Variants in PRCP observed in about 807,000 individuals in gnomAD.
PRCP encodes the protein lysosomal Pro-X carboxypeptidase.
A neutral mutation model predicts 54.2 loss-of-function variants in PRCP; 46 were observed. The ratio of observed to expected loss-of-function variants is 0.85; its 90% CI spans 0.67 to 1.09. The LOEUF (loss-of-function observed/expected upper bound fraction) is 1.09, where lower values mean the gene tolerates loss of function less well. Among genes scored for constraint, PRCP ranks in the 50% least tolerant of loss-of-function variants. PRCP has a pLI of 0.00. For missense variants in PRCP, 613 were observed against 596.8 expected (o/e 1.03, Z -0.28); for synonymous variants, 240 against 212.2 (o/e 1.13, Z -1.14).
chr11:82,852,385 A>G (rs1374290098), intron 3 of PRCP, among the ~76,000 whole-genome samples: 5 of 152,228 alleles, frequency 3.3e-5, no homozygotes, highest in Non-Finnish European at 7.3e-5. Context: ...TCTAGCTGAG[A>G]GTTCCCAAAA....
intron 8 of PRCP, chr11:82,828,014 T>G (rs937073274): frequency 2.0e-5 from 3 of 152,250 alleles, no homozygotes; most frequent in Admixed American, 2.0e-4. Flanking sequence ...TGATGCTATT[T>G]AAATCAAATT....
chr11:82,894,524 A>T (rs1860075711), intron 1 of PRCP, among the ~76,000 whole-genome samples: 1 of 152,244 alleles, frequency 6.6e-6, no homozygotes, highest in Non-Finnish European at 1.5e-5. Context: ...CAGCAGATCC[A>T]ATCCATTTAT....
Position 82,824,631 on chromosome 11 carries a change from A to G in PRCP, c.*275T>C. ...GTAACTCTCCCTCTTATGAAAAGCA[A>G]CCAGGAACTCTACTCCAGTTATGAG... On this transcript the variant is annotated 3_prime_UTR_variant, in exon 9 of 9. Coordinates refer to ENST00000313010, the MANE Select transcript of PRCP (RefSeq NM_005040.4). The G allele has an allele frequency of 2.4e-6, 1 of 410,834 alleles. No individual in the cohort carries two copies. The highest frequency in any genetic ancestry group is 2.6e-5 in the South Asian group (1 of 38,178). The allele number at this position is 410,834 out of a possible 1,614,324, so 25.4% of individuals were successfully genotyped here.
At chr11:82,853,843 G>T (rs936344490) in intron 2 of PRCP, among the ~76,000 whole-genome samples, 1 of 152,100 alleles carries the variant, frequency 6.6e-6, no homozygotes. Flanking sequence ...TGCAAGGATG[G>T]TTCAACATAC....
chr11:82,825,984 A>G (rs555056020), intron 8 of PRCP: 13 of 152,322 alleles, frequency 8.5e-5, no homozygotes, highest in African/African-American at 3.1e-4. Context: ...TAATTCATCT[A>G]CCACAGAATT....
chr11:82,838,320 C>G, intron 8 of PRCP, 67 bp downstream of exon 8: 1 of 1,423,292 alleles, frequency 7.0e-7, no homozygotes, highest in Non-Finnish European at 9.6e-7. Context: ...TTCCCTGGTT[C>G]TGTTTTTTCA....
chr11:82,884,884 G>A (rs199697178), intron 1 of PRCP: 1 of 1,613,456 alleles, frequency 6.2e-7, no homozygotes, highest in Non-Finnish European at 8.5e-7. Flanking sequence ...AGCAGCAAGG[G>A]CCTGCAGGAA....
At chr11:82,877,767 A>G (rs1859642444) in intron 1 of PRCP, among the ~76,000 whole-genome samples, 3 of 152,232 alleles carry the variant, frequency 2.0e-5, no homozygotes, top group Admixed American at 6.5e-5. Flanking sequence ...CTGCTAGGAC[A>G]GGGTAGAAGG....
intron 8 of PRCP, chr11:82,826,599 T>C (rs985420453): frequency 5.9e-5 from 9 of 152,228 alleles, no homozygotes; most frequent in Admixed American, 5.2e-4. Context: ...CCACTTTCTC[T>C]ACATCTTCAA....
chr11:82,868,202 A>G (rs1022963513), intron 1 of PRCP, among the ~76,000 whole-genome samples: 1 of 152,196 alleles, frequency 6.6e-6, no homozygotes, highest in East Asian at 1.9e-4. Flanking sequence ...AGATAATTCA[A>G]AAGCAGATTG....
intron 1 of PRCP, among the ~76,000 whole-genome samples, chr11:82,860,349 G>A (rs1200944945): frequency 6.8e-6 from 1 of 146,994 alleles, no homozygotes; most frequent in African/African-American, 2.7e-5. Flanking sequence ...GATTTTCAAT[G>A]TAAAAGAAAA....
chr11:82,835,808 C>A, intron 8 of PRCP: 1 of 497,012 alleles, frequency 2.0e-6, no homozygotes, highest in South Asian at 1.5e-5. Context: ...AAGTGATGTT[C>A]AAGAACCAGA....
At chr11:82,897,086 G>C (rs1353977200) in intron 1 of PRCP, among the ~76,000 whole-genome samples, 4 of 152,126 alleles carry the variant, frequency 2.6e-5, no homozygotes, top group Non-Finnish European at 5.9e-5. Context: ...ATATTCCAGA[G>C]AGCCCTTTAT....
rs535661761 is a variant in PRCP at position 82,823,988 on chromosome 11, T to A, written c.*918A>T. The A allele has an allele frequency of 1.3e-5, 2 of 152,338 alleles. No individual in the cohort carries two copies. The highest frequency in any genetic ancestry group is 2.1e-4 in the South Asian group (1 of 4,832). 9.4% of individuals were successfully genotyped at this position (152,338 alleles called of 1,614,324 possible). A position where few individuals can be genotyped will look rare whatever the true frequency, so the allele number is the denominator to read the frequency against. The stretch of plus-strand genomic sequence containing the variant: ...TAACAACTATCAGAAAATAAAATTT[T>A]AAAAATTTAAAAGCTGAATATTACT... On this transcript the variant is annotated 3_prime_UTR_variant, in exon 9 of 9. Transcript: ENST00000313010.
Position 82,878,023 on chromosome 11 carries a change from G to T in PRCP, c.169-17906C>A, listed in dbSNP as rs181520798. ...ATGGGAACCCACCTCTTGCATCAGTGTGACCTGGATGTGAGACCTGGAGTC... is the reference window on the plus strand; with the variant it reads ...ATGGGAACCCACCTCTTGCATCAGTTTGACCTGGATGTGAGACCTGGAGTC... On this transcript the variant is annotated intron_variant, in intron 1 of 8. Coordinates refer to ENST00000313010, the MANE Select transcript of PRCP (RefSeq NM_005040.4). Among the ~76,000 whole-genome samples the T allele has an allele frequency of 5.3e-4, 80 of 152,334 alleles. 1 individual carries two copies. Among genetic ancestry groups the T allele is most frequent in the African/African-American group, 1.9e-3 (78 of 41,570 alleles).
At chr11:82,876,487 T>C (rs189099479) in intron 1 of PRCP, among the ~76,000 whole-genome samples, 320 of 152,220 alleles carry the variant, frequency 2.1e-3, no homozygotes, top group African/African-American at 7.4e-3. Context: ...CCCACCCAAA[T>C]CTCAACTTGA....
intron 8 of PRCP, chr11:82,827,696 CT>C: frequency 6.6e-6 from 1 of 152,164 alleles, no homozygotes; most frequent in African/African-American, 2.4e-5. Context: ...AGTGTGAGTT[CT>C]TCAAGTTCGT....
chr11:82,884,185 T>A (rs1223402366), intron 1 of PRCP, among the ~76,000 whole-genome samples: 1 of 152,242 alleles, frequency 6.6e-6, no homozygotes, highest in Non-Finnish European at 1.5e-5. Context: ...GGGTTGTAGT[T>A]CCTGGTTTAA....
intron 2 of PRCP, among the ~76,000 whole-genome samples, chr11:82,854,085 G>A (rs1859021825): frequency 6.6e-6 from 1 of 152,142 alleles, no homozygotes; most frequent in African/African-American, 2.4e-5. Context: ...TTCCCCTTGA[G>A]AACTAAGACA....
Sources: allele counts gnomAD v4.1 joint callset (sites outside exome capture counted in the v4.1 genomes callset), GRCh38; gene constraint gnomAD v4.1.1; transcripts MANE v1.5; gene names NCBI Gene and HGNC (gene_info 2026-07-23, HGNC 2026-07-21).